The following LINGO2 variants were observed in gnomAD, a reference collection of about 807,000 sequenced individuals.
LINGO2 encodes leucine-rich repeat and immunoglobulin-like domain-containing nogo receptor-interacting protein 2.
Under a neutral mutation model 30.6 loss-of-function variants are expected in LINGO2, and 14 were observed. That is an observed-to-expected ratio of 0.46 (90% confidence interval 0.30 to 0.72). LINGO2 has a LOEUF of 0.72. Among genes scored for constraint, LINGO2 ranks in the 30% least tolerant of loss-of-function variants. The pLI, the probability that LINGO2 is intolerant of heterozygous loss-of-function variation, is 0.07. For missense variants in LINGO2, 729 were observed against 751.7 expected (o/e 0.97, Z 0.35); for synonymous variants, 317 against 288.5 (o/e 1.10, Z -1.00).
intron 4 of LINGO2, among the ~76,000 whole-genome samples, chr9:28,188,333 C>T (rs1009441634): frequency 6.6e-6 from 1 of 152,086 alleles, no homozygotes; most frequent in African/African-American, 2.4e-5. Context: ...TAAAAAATAA[C>T]TAAATTGTTT....
intron 3 of LINGO2, among the ~76,000 whole-genome samples, chr9:28,327,856 A>T (rs1410880231): frequency 6.6e-6 from 1 of 152,184 alleles, no homozygotes; most frequent in African/African-American, 2.4e-5. Context: ...TTAAACGTCT[A>T]GTGTAATGTG....
At chr9:28,947,863 G>A in the LINGO2 span, among the ~76,000 whole-genome samples, 1 of 151,836 alleles carries the variant, frequency 6.6e-6, no homozygotes. Context: ...CTTCATTTGG[G>A]ATACTTCACA....
chr9:28,238,534 C>T (rs115868082), intron 4 of LINGO2, among the ~76,000 whole-genome samples: 2,737 of 152,136 alleles, frequency 0.018, 54 homozygotes, highest in Non-Finnish European at 0.022. Context: ...AAACAATGTG[C>T]TCCTGAATGA....
At chr9:28,425,617 C>A (rs139454967) in intron 2 of LINGO2, among the ~76,000 whole-genome samples, 1 of 151,970 alleles carries the variant, frequency 6.6e-6, no homozygotes, top group African/African-American at 2.4e-5. Context: ...AACACCATAG[C>A]GTTTGTTAGG....
At chr9:28,062,543 A>G (rs918871893) in intron 4 of LINGO2, among the ~76,000 whole-genome samples, 1 of 142,448 alleles carries the variant, frequency 7.0e-6, no homozygotes, top group Non-Finnish European at 1.5e-5. Flanking sequence ...CATATATACT[A>G]TATATTGTAT....
chr9:29,010,090 C>A, the LINGO2 span, among the ~76,000 whole-genome samples: 2 of 152,146 alleles, frequency 1.3e-5, no homozygotes, highest in African/African-American at 4.8e-5. Context: ...AGAAGAAACC[C>A]TAGGCAATAC....
At chr9:28,753,395 T>C in the LINGO2 span, among the ~76,000 whole-genome samples, 1 of 152,070 alleles carries the variant, frequency 6.6e-6, no homozygotes, top group African/African-American at 2.4e-5. Context: ...ACAATCCTAA[T>C]ATAAGGCTGC....
At chr9:28,444,589 G>A (rs1824342494) in intron 2 of LINGO2, among the ~76,000 whole-genome samples, 1 of 152,218 alleles carries the variant, frequency 6.6e-6, no homozygotes, top group Non-Finnish European at 1.5e-5. Context: ...CAGGCTGTAT[G>A]TAACACCCTC....
intron 4 of LINGO2, among the ~76,000 whole-genome samples, chr9:28,192,818 T>C (rs935153646): frequency 1.3e-5 from 2 of 152,142 alleles, no homozygotes; most frequent in African/African-American, 4.8e-5. Context: ...AAATATTTGA[T>C]GTAGGTGTTA....
chr9:28,330,297 A>G (rs1170101614), intron 3 of LINGO2, among the ~76,000 whole-genome samples: 1 of 152,144 alleles, frequency 6.6e-6, no homozygotes, highest in Non-Finnish European at 1.5e-5. Flanking sequence ...TGTTTAAGCC[A>G]CTCAGTCTAT....
chr9:28,237,123 G>T (rs111932752), intron 4 of LINGO2, among the ~76,000 whole-genome samples: 1 of 141,064 alleles, frequency 7.1e-6, no homozygotes, highest in Non-Finnish European at 1.5e-5. Flanking sequence ...AGTGCGGGGG[G>T]GGGGTAAAGT....
At chr9:28,031,381 A>G (rs1308075000) in intron 4 of LINGO2, among the ~76,000 whole-genome samples, 3 of 151,990 alleles carry the variant, frequency 2.0e-5, no homozygotes, top group Admixed American at 6.5e-5. Flanking sequence ...AATTTTTAAA[A>G]AATTTAACAT....
intron 4 of LINGO2, among the ~76,000 whole-genome samples, chr9:28,060,850 T>G (rs1825120773): frequency 1.3e-5 from 2 of 152,132 alleles, no homozygotes; most frequent in Non-Finnish European, 1.5e-5. Flanking sequence ...GGCCTGATCT[T>G]AAACTTGTCT....
chr9:29,093,058 GAGAGAGAGAGAGACAGAGAGAGGGAC>G, the LINGO2 span, among the ~76,000 whole-genome samples: 6 of 114,090 alleles, frequency 5.3e-5, 1 homozygote, highest in Admixed American at 3.6e-4. Flanking sequence ...TATATATATG[GAGAGAGAGAGAGACAGAGAGAGGGAC>G]AGAGAGAGAG....
At chr9:28,551,971 A>C (rs541406275) in intron 1 of LINGO2, among the ~76,000 whole-genome samples, 73 of 152,044 alleles carry the variant, frequency 4.8e-4, no homozygotes, top group African/African-American at 1.7e-3. Context: ...TAAAAATATT[A>C]ATCCTTTTTA....
the LINGO2 span, among the ~76,000 whole-genome samples, chr9:28,837,738 C>G: frequency 7.0e-6 from 1 of 143,192 alleles, no homozygotes; most frequent in African/African-American, 2.6e-5. Flanking sequence ...ATGCTGAGAA[C>G]TGGGCTTAGA....
chr9:29,073,256 T>C, the LINGO2 span, among the ~76,000 whole-genome samples: 1 of 152,152 alleles, frequency 6.6e-6, no homozygotes, highest in East Asian at 1.9e-4. Flanking sequence ...ATAAAGTTGA[T>C]ATTAGAACAA....
At chr9:27,986,658 G>A (rs1222275182) in intron 5 of LINGO2, among the ~76,000 whole-genome samples, 1 of 151,882 alleles carries the variant, frequency 6.6e-6, no homozygotes, top group Non-Finnish European at 1.5e-5. Flanking sequence ...GGTGCAAACA[G>A]ATCATGGCTG....
intron 1 of LINGO2, among the ~76,000 whole-genome samples, chr9:28,634,556 G>A (rs948352117): frequency 5.6e-5 from 8 of 143,474 alleles, no homozygotes; most frequent in Non-Finnish European, 1.0e-4. Flanking sequence ...CACAATCTCA[G>A]CTCACTGCAA....
Sources: gnomAD v4.1 joint callset for allele counts (sites outside exome capture counted in the v4.1 genomes callset) on GRCh38, gnomAD v4.1.1 for gene constraint, MANE v1.5 for transcripts, NCBI Gene and HGNC (gene_info 2026-07-23, HGNC 2026-07-21) for gene names.